The following KDELR2 variants were observed in gnomAD, a reference collection of about 807,000 sequenced individuals.
The protein encoded by KDELR2 is KDEL endoplasmic reticulum protein retention receptor 2.
In KDELR2, 15 loss-of-function variants were observed where a neutral mutation model predicts 23.9. The observed-to-expected ratio is 0.63, with a 90% CI of 0.42 to 0.97. The LOEUF is 0.97. Among genes scored for constraint, KDELR2 ranks in the 50% least tolerant of loss-of-function variants. The pLI, the probability that KDELR2 is intolerant of heterozygous loss-of-function variation, is 0.00. For synonymous variants in KDELR2, 119 were observed against 106.2 expected, an observed-to-expected ratio of 1.12 and a Z score of -0.74; for missense variants, 272 against 254.6, an observed-to-expected ratio of 1.07 and a Z score of -0.46.
At chr7:6,478,162 G>C (rs974784136) in intron 1 of KDELR2, among the ~76,000 whole-genome samples, 2 of 151,450 alleles carry the variant, frequency 1.3e-5, no homozygotes, top group African/African-American at 4.8e-5. Flanking sequence ...CCCGCCCCCC[G>C]GTTTTTTTTT....
intron 4 of KDELR2, among the ~76,000 whole-genome samples, chr7:6,464,074 G>C (rs560185398): frequency 6.0e-5 from 9 of 151,260 alleles, no homozygotes; most frequent in Non-Finnish European, 1.2e-4. Flanking sequence ...GTGCATGCCT[G>C]TAATCCCAGC....
At chr7:6,481,935 A>T (rs1017940733) in intron 1 of KDELR2, among the ~76,000 whole-genome samples, 1 of 152,116 alleles carries the variant, frequency 6.6e-6, no homozygotes, top group African/African-American at 2.4e-5. Context: ...CCACCTCCAC[A>T]GAATGGGAAC....
intron 1 of KDELR2, among the ~76,000 whole-genome samples, chr7:6,480,361 A>T (rs1253542356): frequency 6.6e-6 from 1 of 152,200 alleles, no homozygotes; most frequent in Non-Finnish European, 1.5e-5. Flanking sequence ...TAAAGTGACA[A>T]CTTGAGCATA....
chr7:6,469,750 A>G lies in KDELR2; in HGVS notation c.197T>C (p.Ile66Thr), dbSNP rs765844924. 7 of 1,608,362 alleles carry G rather than the reference A, an allele frequency of 4.4e-6. No homozygotes were observed. Among genetic ancestry groups the G allele is most frequent in the Non-Finnish European group, 5.1e-6 (6 of 1,177,904 alleles). ...ISLYNTSMKV[I>T]YLACSYATVY... ...TGTGGCATAGGAGCAGGCAAGGTAG[A>G]TAACCTACAAATAAAAGAAAAAACA... The change falls in exon 3 of 5, where the codon ATC becomes ACC. Residue 66 changes from isoleucine (I) to threonine (T), a missense_variant. By Grantham distance (89) the Ile-to-Thr change is moderately conservative (BLOSUM62 -1). Coordinates refer to ENST00000258739, the MANE Select transcript of KDELR2 (RefSeq NM_006854.4).
intron 1 of KDELR2, among the ~76,000 whole-genome samples, chr7:6,475,100 T>C (rs375513739): frequency 1.3e-5 from 2 of 152,134 alleles, no homozygotes; most frequent in South Asian, 2.1e-4. Context: ...CATCCCATGG[T>C]GACTTCTTTG....
intron 3 of KDELR2, 69 bp downstream of exon 3, chr7:6,469,527 G>A: frequency 1.3e-6 from 2 of 1,483,282 alleles, no homozygotes; most frequent in Admixed American, 2.0e-5. Flanking sequence ...CTCCGCCTCG[G>A]CCTCCCAAAA....
At chr7:6,469,520 C>A (rs946506115) in intron 3 of KDELR2, 76 bp downstream of exon 3, 2 of 1,413,420 alleles carry the variant, frequency 1.4e-6, no homozygotes, top group South Asian at 2.6e-5. Context: ...GGCTGAACTC[C>A]GCCTCGGCCT....
At chr7:6,465,181 C>CTTTTT (rs1211865175) in intron 4 of KDELR2, among the ~76,000 whole-genome samples, 1 of 134,170 alleles carries the variant, frequency 7.5e-6, no homozygotes, top group African/African-American at 2.7e-5. Flanking sequence ...GCGTAAATAT[C>CTTTTT]TTTTTTTTTT....
intron 1 of KDELR2, among the ~76,000 whole-genome samples, chr7:6,480,595 G>C (rs1179719217): frequency 6.6e-6 from 1 of 152,116 alleles, no homozygotes; most frequent in Non-Finnish European, 1.5e-5. Context: ...CCTCATCCCT[G>C]ATCCTTATGG....
intron 3 of KDELR2, among the ~76,000 whole-genome samples, chr7:6,467,341 C>G (rs1293881588): frequency 6.6e-6 from 1 of 152,140 alleles, no homozygotes; most frequent in Non-Finnish European, 1.5e-5. Flanking sequence ...ATTCCTTAAG[C>G]TTTCTGGTGT....
At chr7:6,474,123 T>G in intron 2 of KDELR2, 61 bp downstream of exon 2, 1 of 941,428 alleles carries the variant, frequency 1.1e-6, no homozygotes, top group East Asian at 2.4e-5. Context: ...TGACATAAAT[T>G]AAGTGTCCAT....
intron 1 of KDELR2, among the ~76,000 whole-genome samples, chr7:6,475,733 C>A (rs1419158309): frequency 1.3e-5 from 2 of 152,180 alleles, no homozygotes; most frequent in Non-Finnish European, 2.9e-5. Flanking sequence ...GTTTCAGATG[C>A]TGGAGACTGA....
At chr7:6,478,516 A>G (rs1785804937) in intron 1 of KDELR2, among the ~76,000 whole-genome samples, 1 of 152,064 alleles carries the variant, frequency 6.6e-6, no homozygotes, top group Non-Finnish European at 1.5e-5. Flanking sequence ...GTTATTCTTC[A>G]GTGAATTGCC....
intron 3 of KDELR2, among the ~76,000 whole-genome samples, chr7:6,469,100 C>T (rs1400033817): frequency 6.6e-5 from 10 of 151,442 alleles, no homozygotes; most frequent in South Asian, 2.1e-4. Flanking sequence ...TACAGGTGCC[C>T]GCCACCATGC....
intron 1 of KDELR2, among the ~76,000 whole-genome samples, chr7:6,480,040 G>C (rs970300820): frequency 1.3e-5 from 2 of 152,202 alleles, no homozygotes; most frequent in Non-Finnish European, 2.9e-5. Context: ...CCAGTATGGG[G>C]TTTGGTAGGA....
At chr7:6,481,542 T>C (rs1357814458) in intron 1 of KDELR2, among the ~76,000 whole-genome samples, 1 of 151,866 alleles carries the variant, frequency 6.6e-6, no homozygotes, top group African/African-American at 2.4e-5. Flanking sequence ...CACACAAAGA[T>C]TTTGAAGCAA....
At chr7:6,473,115 G>T (rs1173076281) in intron 2 of KDELR2, among the ~76,000 whole-genome samples, 1 of 147,116 alleles carries the variant, frequency 6.8e-6, no homozygotes, top group Non-Finnish European at 1.5e-5. Context: ...AGAGACAGGG[G>T]TCTAACTATG....
chr7:6,482,157 C>A (rs957414131), intron 1 of KDELR2, among the ~76,000 whole-genome samples: 1 of 152,130 alleles, frequency 6.6e-6, no homozygotes, highest in Non-Finnish European at 1.5e-5. Context: ...CATGCACCAC[C>A]ACGCCCGGCT....
In KDELR2 at chr7:6,474,189, T is replaced by C; in HGVS notation, c.187A>G (p.Met63Val). 1.3e-6 allele frequency: 2 copies of C among 1,594,344 alleles called. No individual in the cohort carries two copies. The highest frequency in any genetic ancestry group is 8.6e-7 in the Non-Finnish European group (1 of 1,161,928). Residue 63 changes from methionine (M) to valine (V), a missense_variant, in exon 2 of 5, where the codon ATG (methionine) becomes GTG (valine). Met to Val is a conservative substitution (Grantham distance 21). Transcript: ENST00000258739. ...CTGTGGATGGCATACCATACCTTCA[T>C]AGATGTGTTATACAATGAAATAAAT... Reference protein sequence around the residue: ...TSFISLYNTSMKVIYLACSYA... With the variant: ...TSFISLYNTSVKVIYLACSYA...
Sources: allele counts gnomAD v4.1 joint callset (sites outside exome capture counted in the v4.1 genomes callset), GRCh38; gene constraint gnomAD v4.1.1; transcripts MANE v1.5; gene names NCBI Gene and HGNC (gene_info 2026-07-23, HGNC 2026-07-21).